The following DDX42 variants were observed in gnomAD, a reference collection of about 807,000 sequenced individuals.
The protein encoded by DDX42 is DEAD-box helicase 42.
A neutral mutation model predicts 101.5 loss-of-function variants in DDX42; 22 were observed. The observed-to-expected ratio is 0.22, with a 90% CI of 0.15 to 0.31. The LOEUF (loss-of-function observed/expected upper bound fraction) is 0.31, where lower values mean the gene tolerates loss of function less well. Ranked by LOEUF, DDX42 falls within the 10% of genes least tolerant of loss-of-function variation. The pLI is 1.00. For missense variants in DDX42, 849 were observed against 1,199.9 expected (o/e 0.71, Z 4.32); for synonymous variants, 402 against 401.2 (o/e 1.00, Z -0.02).
intron 12 of DDX42, 139 bp from the exon 13 acceptor site, chr17:63,810,937 G>A: frequency 3.0e-6 from 2 of 665,904 alleles, no homozygotes; most frequent in Non-Finnish European, 5.1e-6. Context: ...TTTCCCTAGT[G>A]AATCAGTTTC....
intron 14 of DDX42, among the ~76,000 whole-genome samples, chr17:63,812,725 G>A (rs1489666473): frequency 6.6e-6 from 1 of 152,084 alleles, no homozygotes; most frequent in African/African-American, 2.4e-5. Context: ...GATTACTGAT[G>A]CAAAAGATAA....
intron 6 of DDX42, among the ~76,000 whole-genome samples, chr17:63,802,189 A>G (rs1360345514): frequency 6.6e-6 from 1 of 151,692 alleles, no homozygotes; most frequent in Admixed American, 6.6e-5. Context: ...AGTTAAAAAG[A>G]AAAAAAAAGG....
intron 1 of DDX42, among the ~76,000 whole-genome samples, chr17:63,778,993 G>GCA (rs1221309956): frequency 6.6e-6 from 1 of 152,006 alleles, no homozygotes; most frequent in Non-Finnish European, 1.5e-5. Context: ...ATAGTACTGG[G>GCA]CACATAACAA....
At chr17:63,776,003 T>G (rs969001577) in intron 1 of DDX42, 2 of 152,206 alleles carry the variant, frequency 1.3e-5, no homozygotes, top group African/African-American at 2.4e-5. Flanking sequence ...GTGATTACGT[T>G]CTTGAGTTTT....
At chr17:63,775,511 A>G (rs1012184531) in intron 1 of DDX42, among the ~76,000 whole-genome samples, 2 of 152,222 alleles carry the variant, frequency 1.3e-5, no homozygotes, top group Non-Finnish European at 2.9e-5. Flanking sequence ...GGAATTTGCA[A>G]TAAAGTGGTC....
intron 7 of DDX42, chr17:63,806,270 AAATT>A (rs2039839043): frequency 3.8e-6 from 1 of 262,530 alleles, no homozygotes; most frequent in South Asian, 1.2e-4. Flanking sequence ...TGTTATGAGA[AAATT>A]AATTTTGAGT....
At chr17:63,808,455 T>C (rs1262355752) in intron 9 of DDX42, among the ~76,000 whole-genome samples, 1 of 152,196 alleles carries the variant, frequency 6.6e-6, no homozygotes, top group Admixed American at 6.5e-5. Context: ...ATTACAGGTG[T>C]GAGCCACTGT....
intron 3 of DDX42, among the ~76,000 whole-genome samples, chr17:63,795,557 C>T (rs573015565): frequency 5.3e-5 from 8 of 152,298 alleles, no homozygotes; most frequent in African/African-American, 1.7e-4. Flanking sequence ...GTCTCAAACT[C>T]GTAGCCTCAG....
chr17:63,808,931 A>T lies in DDX42; in HGVS notation c.1135A>T (p.Ile379Phe). The change falls in exon 10 of 18, where the codon ATT (isoleucine) becomes TTT (phenylalanine). Residue 379 changes from isoleucine (I) to phenylalanine (F), a missense_variant. Around this residue, in one of 5 missense-constraint regions of DDX42, gnomAD observed 370 missense variants for 608.8 expected, o/e 0.61. Coordinates refer to ENST00000389924, the MANE Select transcript of DDX42 (RefSeq NM_203499.3). The stretch of plus-strand genomic sequence containing the variant: ...CAAGGCCCTTCAGGAGGGGGCAGAG[A>T]TTGTTGTGTGTACCCCAGTAAGTAT... ...QAKALQEGAE[I>F]VVCTPGRLID... 1 of 1,613,924 alleles carries T rather than the reference A, an allele frequency of 6.2e-7. No homozygotes were observed. The highest frequency in any genetic ancestry group is 8.5e-7 in the Non-Finnish European group (1 of 1,179,850).
At chr17:63,786,279 C>T (rs1292963488) in intron 1 of DDX42, among the ~76,000 whole-genome samples, 1 of 151,974 alleles carries the variant, frequency 6.6e-6, no homozygotes, top group Non-Finnish European at 1.5e-5. Flanking sequence ...ACTATGTTGC[C>T]CAGGCTGGAA....
At chr17:63,784,631 A>G (rs2039524943) in intron 1 of DDX42, among the ~76,000 whole-genome samples, 1 of 152,048 alleles carries the variant, frequency 6.6e-6, no homozygotes, top group Non-Finnish European at 1.5e-5. Flanking sequence ...ATAAAAACCC[A>G]GGCATGGTGG....
intron 1 of DDX42, among the ~76,000 whole-genome samples, chr17:63,782,638 T>G (rs1020820348): frequency 3.3e-5 from 5 of 152,166 alleles, no homozygotes; most frequent in Non-Finnish European, 7.3e-5. Context: ...TCCTCAGATA[T>G]CTAAATAAAT....
At chr17:63,800,921 C>T (rs985854964) in intron 6 of DDX42, among the ~76,000 whole-genome samples, 6 of 24,774 alleles carry the variant, frequency 2.4e-4, no homozygotes, top group East Asian at 9.9e-4. Context: ...TCTTTCCTTC[C>T]TTCCTTTCTT....
Position 63,815,552 on chromosome 17 carries a change from G to T in DDX42, c.1903-11G>T, listed in dbSNP as rs772991801. 2 of 1,602,926 alleles carry T rather than the reference G, an allele frequency of 1.2e-6. No individual in the cohort carries two copies. The highest frequency in any genetic ancestry group is 4.5e-5 in the East Asian group (2 of 44,746). Reference sequence around the variant, plus strand: ...CTCCCTTGACTTAACCTTGAATTTTGTTCAATGCAGAATGCCTGGTTTCGG... The same window carrying T: ...CTCCCTTGACTTAACCTTGAATTTTTTTCAATGCAGAATGCCTGGTTTCGG... On this transcript the variant is annotated splice_polypyrimidine_tract_variant and intron_variant, in intron 15 of 17. Coordinates refer to ENST00000389924, the MANE Select transcript of DDX42 (RefSeq NM_203499.3).
chr17:63,808,875 T>C lies in DDX42; in HGVS notation c.1079T>C (p.Val360Ala). The C allele has an allele frequency of 6.2e-7, 1 of 1,613,960 alleles. No homozygotes were observed. Among genetic ancestry groups the C allele is most frequent in the Non-Finnish European group, 8.5e-7 (1 of 1,179,966 alleles). The change falls in exon 10 of 18, where the codon GTA becomes GCA. Residue 360 changes from valine (V) to alanine (A), a missense_variant. Coordinates refer to ENST00000389924, the MANE Select transcript of DDX42 (RefSeq NM_203499.3). ...GKAYNLRSVA[V>A]YGGGSMWEQA... ...GCATATAATCTTCGATCAGTGGCCG[T>C]ATATGGAGGAGGGAGTATGTGGGAG... is the stretch of plus-strand genomic sequence containing the variant.
intron 11 of DDX42, among the ~76,000 whole-genome samples, chr17:63,809,895 C>T (rs1043624783): frequency 6.6e-6 from 1 of 152,106 alleles, no homozygotes; most frequent in African/African-American, 2.4e-5. Context: ...GGAATATTTT[C>T]TCTGTCTTCA....
chr17:63,796,257 C>A (rs1023487936), intron 3 of DDX42, among the ~76,000 whole-genome samples: 2 of 152,104 alleles, frequency 1.3e-5, no homozygotes, highest in Non-Finnish European at 2.9e-5. Context: ...ACTGGCATAG[C>A]CCTTTCTGAG....
At chr17:63,802,262 A>T (rs79029534) in intron 6 of DDX42, among the ~76,000 whole-genome samples, 1 of 152,214 alleles carries the variant, frequency 6.6e-6, no homozygotes, top group Non-Finnish European at 1.5e-5. Context: ...CTTGAGCTAC[A>T]TGTCTTTTTA....
Position 63,815,585 on chromosome 17 carries a change from G to C in DDX42, c.1925G>C (p.Arg642Pro). 1 of 1,613,604 alleles carries C rather than the reference G, an allele frequency of 6.2e-7. No homozygotes were observed. The highest frequency in any genetic ancestry group is 8.5e-7 in the Non-Finnish European group (1 of 1,179,842). ...AMQNAWFRKS[R>P]FKGGKGKKLN... is the part of the protein sequence containing the mutation. ...CAGAATGCCTGGTTTCGGAAATCTC[G>C]ATTCAAAGGAGGGAAAGGAAAAAAG... is the stretch of plus-strand genomic sequence containing the variant. The change falls in exon 16 of 18, where the codon CGA (arginine) becomes CCA (proline). Residue 642 changes from arginine to proline, a missense_variant. By Grantham distance (103) the Arg-to-Pro change is moderately radical (BLOSUM62 -2). Transcript: ENST00000389924.
Sources: allele counts gnomAD v4.1 joint callset (sites outside exome capture counted in the v4.1 genomes callset), GRCh38; gene constraint gnomAD v4.1.1; regional missense constraint gnomAD v4.1.1; transcripts MANE v1.5; gene names NCBI Gene and HGNC (gene_info 2026-07-23, HGNC 2026-07-21).